Variants in SCRG1 observed in about 807,000 individuals in gnomAD.
The protein encoded by SCRG1 is stimulator of chondrogenesis 1.
A neutral mutation model predicts 7.7 loss-of-function variants in SCRG1; 3 were observed. The observed-to-expected ratio is 0.39, with a 90% CI of 0.18 to 1.01. The LOEUF (loss-of-function observed/expected upper bound fraction) is 1.01. Among genes scored for constraint, SCRG1 ranks in the 50% least tolerant of loss-of-function variants. The pLI is 0.36. For missense variants in SCRG1, 110 were observed against 117.2 expected (o/e 0.94, Z 0.28); for synonymous variants, 46 against 41.2 (o/e 1.12, Z -0.44).
the SCRG1 span, among the ~76,000 whole-genome samples, chr4:173,464,016 TAA>T: frequency 2.0e-5 from 3 of 152,164 alleles, no homozygotes; most frequent in Admixed American, 1.3e-4. Flanking sequence ...TTCAAACTGT[TAA>T]AAGAGTCTGT....
the SCRG1 span, among the ~76,000 whole-genome samples, chr4:173,517,071 C>T: frequency 6.6e-6 from 1 of 152,210 alleles, no homozygotes; most frequent in Non-Finnish European, 1.5e-5. Context: ...AAGGAGAGGA[C>T]CACGAGGCTC....
chr4:173,446,838 C>T, the SCRG1 span: 1 of 152,146 alleles, frequency 6.6e-6, no homozygotes, highest in Non-Finnish European at 1.5e-5. Context: ...GCTTAACAAG[C>T]CTCATTTTTT....
chr4:173,397,588 C>A (rs1739641821), intron 1 of SCRG1, among the ~76,000 whole-genome samples: 1 of 152,174 alleles, frequency 6.6e-6, no homozygotes, highest in African/African-American at 2.4e-5. Flanking sequence ...ACATTTCCAA[C>A]TAAACAATAA....
chr4:173,486,299 G>A, the SCRG1 span, among the ~76,000 whole-genome samples: 1 of 152,136 alleles, frequency 6.6e-6, no homozygotes. Flanking sequence ...ATGACAGTTA[G>A]AATCTGCTCC....
At chr4:173,422,035 T>C in the SCRG1 span, among the ~76,000 whole-genome samples, 1 of 152,194 alleles carries the variant, frequency 6.6e-6, no homozygotes, top group African/African-American at 2.4e-5. Context: ...CTTAGTCAAA[T>C]CCAAGCAAAT....
chr4:173,427,851 A>G, the SCRG1 span, among the ~76,000 whole-genome samples: 4 of 152,240 alleles, frequency 2.6e-5, no homozygotes, highest in African/African-American at 9.6e-5. Context: ...ACTTATATGA[A>G]GCACCAAACA....
chr4:173,418,885 A>G, the SCRG1 span, among the ~76,000 whole-genome samples: 1 of 152,076 alleles, frequency 6.6e-6, no homozygotes, highest in Admixed American at 6.6e-5. Flanking sequence ...ACCTTCTGCC[A>G]TGGTTGTAAG....
At chr4:173,471,928 C>T in the SCRG1 span, among the ~76,000 whole-genome samples, 2 of 152,124 alleles carry the variant, frequency 1.3e-5, no homozygotes, top group African/African-American at 2.4e-5. Context: ...AGGCTGGTCT[C>T]GAGCTCCTGA....
chr4:173,397,264 C>T (rs1451635201), intron 1 of SCRG1, among the ~76,000 whole-genome samples: 2 of 151,982 alleles, frequency 1.3e-5, no homozygotes, highest in Non-Finnish European at 2.9e-5. Context: ...CCATCAAAAC[C>T]ATATATGTTC....
intron 2 of SCRG1, among the ~76,000 whole-genome samples, chr4:173,390,971 C>T (rs1403059072): frequency 6.6e-6 from 1 of 152,134 alleles, no homozygotes; most frequent in East Asian, 1.9e-4. Flanking sequence ...TTATTAAACT[C>T]AGCTAAATTC....
the SCRG1 span, among the ~76,000 whole-genome samples, chr4:173,482,870 T>C: frequency 7.0e-6 from 1 of 142,048 alleles, no homozygotes. Context: ...ATTTCATATA[T>C]ATTTTTTATA....
At chr4:173,511,446 G>T in the SCRG1 span, among the ~76,000 whole-genome samples, 5 of 151,510 alleles carry the variant, frequency 3.3e-5, no homozygotes, top group Admixed American at 2.6e-4. The surrounding 1 kb of genome is among the most constrained non-coding windows in gnomAD (Gnocchi z 5.2). Context: ...GTTTTGTTTT[G>T]TTTTTTTTCT....
upstream of SCRG1, among the ~76,000 whole-genome samples, chr4:173,402,861 T>C (rs1739796926): frequency 6.6e-6 from 1 of 152,196 alleles, no homozygotes; most frequent in South Asian, 2.1e-4. Context: ...CTCAAAATAA[T>C]TGCACTTATT....
chr4:173,501,225 T>G, the SCRG1 span, among the ~76,000 whole-genome samples: 1 of 152,120 alleles, frequency 6.6e-6, no homozygotes, highest in Admixed American at 6.5e-5. This position sits in a 1 kb window ranked among gnomAD's most constrained non-coding sequence, Gnocchi z 5.1. Flanking sequence ...GCTTACCGAT[T>G]ATCACAAATG....
At chr4:173,426,337 G>C in the SCRG1 span, among the ~76,000 whole-genome samples, 1 of 152,144 alleles carries the variant, frequency 6.6e-6, no homozygotes, top group African/African-American at 2.4e-5. Context: ...ACTGGTGTCT[G>C]ATTTCCTCTT....
the SCRG1 span, among the ~76,000 whole-genome samples, chr4:173,497,673 CT>C: frequency 0.76 from 69,656 of 91,684 alleles, 28,157 homozygotes; most frequent in South Asian, 0.93. Context: ...AAAACTTACT[CT>C]TTTTTTTTTT....
chr4:173,427,409 CAAAAAG>C, the SCRG1 span, among the ~76,000 whole-genome samples: 1 of 152,158 alleles, frequency 6.6e-6, no homozygotes, highest in African/African-American at 2.4e-5. Flanking sequence ...TGAAGAAAAA[CAAAAAG>C]AATCTCAAAA....
chr4:173,472,620 T>A, the SCRG1 span, among the ~76,000 whole-genome samples: 1 of 152,148 alleles, frequency 6.6e-6, no homozygotes, highest in Non-Finnish European at 1.5e-5. Context: ...TTAGTGTGAG[T>A]CTAAAGGCAG....
chr4:173,508,235 C>G, the SCRG1 span, among the ~76,000 whole-genome samples: 1 of 152,196 alleles, frequency 6.6e-6, no homozygotes, highest in Non-Finnish European at 1.5e-5. The surrounding 1 kb of genome is among the most constrained non-coding windows in gnomAD (Gnocchi z 4.4). Flanking sequence ...TGCTGAAAGT[C>G]AGGTGGAAAA....
Sources: allele counts gnomAD v4.1 joint callset (sites outside exome capture counted in the v4.1 genomes callset), GRCh38; gene constraint gnomAD v4.1.1; non-coding constraint Gnocchi (gnomAD v3.1); transcripts MANE v1.5; gene names NCBI Gene and HGNC (gene_info 2026-07-23, HGNC 2026-07-21).